SUDS3: variants seen among roughly 807,000 people sequenced by gnomAD.
SUDS3 encodes the protein sin3 histone deacetylase corepressor complex component SDS3.
A neutral mutation model predicts 53.5 loss-of-function variants in SUDS3; 23 were observed. That is an observed-to-expected ratio of 0.43 (90% CI 0.31 to 0.61). The LOEUF is 0.61. SUDS3 is among the 20% of genes least tolerant of loss of function. SUDS3 has a pLI of 0.10. For missense variants in SUDS3, 291 were observed against 405.9 expected, an observed-to-expected ratio of 0.72 and a Z score of 2.43; for synonymous variants, 150 against 148.5, an observed-to-expected ratio of 1.01 and a Z score of -0.08.
intron 1 of SUDS3, 66 bp downstream of exon 1, chr12:118,376,899 T>C (rs1035504101): frequency 2.5e-6 from 3 of 1,193,104 alleles, no homozygotes; most frequent in Non-Finnish European, 3.2e-6. Context: ...GGGGTGGGGC[T>C]GTTCGGGAGA....
In SUDS3 at chr12:118,416,552, T is replaced by C. The variant is rs1364146974; in HGVS notation, c.*2119T>C. ...CCTCGGCGTCCTCACAACTCTTAAT[T>C]GGGCCTAGTGAAAATGGGGGCAGGT... On this transcript the variant is annotated 3_prime_UTR_variant, in exon 12 of 12. Coordinates refer to ENST00000543473, the MANE Select transcript of SUDS3 (RefSeq NM_022491.3). 6.6e-6 allele frequency: 1 copy of C among 152,202 alleles called. No homozygotes were observed. Among genetic ancestry groups the C allele is most frequent in the Non-Finnish European group, 1.5e-5 (1 of 68,034 alleles). 9.4% of individuals were successfully genotyped at this position (152,202 alleles called of 1,614,324 possible).
chr12:118,393,745 A>G (rs906690498), intron 6 of SUDS3, among the ~76,000 whole-genome samples: 3 of 151,128 alleles, frequency 2.0e-5, no homozygotes, highest in Admixed American at 2.0e-4. Context: ...GTCTCGGCTC[A>G]CTGCAACCTC....
intron 3 of SUDS3, among the ~76,000 whole-genome samples, chr12:118,385,450 T>A (rs756556050): frequency 1.3e-5 from 2 of 152,114 alleles, no homozygotes; most frequent in African/African-American, 4.8e-5. Flanking sequence ...TGCTGGTGAG[T>A]GATCCACGCC....
intron 1 of SUDS3, among the ~76,000 whole-genome samples, chr12:118,377,607 T>C (rs2046012842): frequency 6.6e-6 from 1 of 151,332 alleles, no homozygotes; most frequent in Non-Finnish European, 1.5e-5. Context: ...CTTTGCACTG[T>C]CATCACAGAG....
chr12:118,380,416 C>T (rs2046045984), intron 2 of SUDS3, among the ~76,000 whole-genome samples, 185 bp downstream of exon 2: 1 of 152,174 alleles, frequency 6.6e-6, no homozygotes, highest in Admixed American at 6.5e-5. Context: ...GTGGGATGCT[C>T]AGCTGGTAAG....
chr12:118,377,372 C>A (rs2046008881), intron 1 of SUDS3, among the ~76,000 whole-genome samples: 1 of 152,136 alleles, frequency 6.6e-6, no homozygotes, highest in Non-Finnish European at 1.5e-5. Flanking sequence ...AGTTTTCCAG[C>A]CTCGATTTAC....
Position 118,400,766 on chromosome 12 carries a change from C to CA in SUDS3, c.613+13dup. 1.9e-6 allele frequency: 3 copies of CA among 1,612,834 alleles called. No individual in the cohort carries two copies. Among genetic ancestry groups the CA allele is most frequent in the Non-Finnish European group, 8.5e-7 (1 of 1,178,824 alleles). On this transcript the variant is annotated intron_variant, in intron 7 of 11. Coordinates refer to ENST00000543473, the MANE Select transcript of SUDS3 (RefSeq NM_022491.3). ...GAAACCTGCTCCAGATATCCATTTA[C>CA]ATCAAGCCTTAACCGCCTTTCTTTT...
chr12:118,410,288 AAAAT>A (rs371305911), intron 10 of SUDS3, among the ~76,000 whole-genome samples: 1 of 152,250 alleles, frequency 6.6e-6, no homozygotes, highest in African/African-American at 2.4e-5. Flanking sequence ...GGACAAATAG[AAAAT>A]AAATAACGGT....
chr12:118,376,851 C>A lies in SUDS3; in HGVS notation c.142+18C>A. On this transcript the variant is annotated intron_variant, in intron 1 of 11. Coordinates refer to ENST00000543473, the MANE Select transcript of SUDS3 (RefSeq NM_022491.3). ...GGACGAAGGTGAGTCCTGCCGCTCG[C>A]CCGGCCGCCCGGAGCGGAGGTGGGA... 1 of 1,515,186 alleles carries A rather than the reference C, an allele frequency of 6.6e-7. No homozygotes were observed. Among genetic ancestry groups the A allele is most frequent in the Non-Finnish European group, 8.8e-7 (1 of 1,138,180 alleles). 93.9% of individuals were successfully genotyped at this position (1,515,186 alleles called of 1,614,324 possible). A position where few individuals can be genotyped will look rare whatever the true frequency, so the allele number is the denominator to read the frequency against.
At chr12:118,387,123 G>A (rs1047033446) in intron 4 of SUDS3, among the ~76,000 whole-genome samples, 10 of 152,232 alleles carry the variant, frequency 6.6e-5, no homozygotes, top group Non-Finnish European at 1.3e-4. Context: ...AGAGAGAAAA[G>A]GGGTTGAAGT....
At chr12:118,393,616 A>G (rs959044439) in intron 6 of SUDS3, among the ~76,000 whole-genome samples, 9 of 151,332 alleles carry the variant, frequency 5.9e-5, no homozygotes, top group Non-Finnish European at 1.3e-4. Flanking sequence ...ATTCTGTTTC[A>G]GGGGCTTTGG....
At chr12:118,393,664 T>C (rs2046187876) in intron 6 of SUDS3, among the ~76,000 whole-genome samples, 1 of 151,690 alleles carries the variant, frequency 6.6e-6, no homozygotes, top group South Asian at 2.1e-4. Context: ...TCTTTCTTTT[T>C]TTTTTTTAAA....
At chr12:118,391,511 A>G (rs1795123445) in intron 6 of SUDS3, among the ~76,000 whole-genome samples, 1 of 152,122 alleles carries the variant, frequency 6.6e-6, no homozygotes, top group Admixed American at 6.5e-5. Context: ...ACCCTCTCAC[A>G]GGATTGTGGT....
At position 118,402,822 on chromosome 12, in the gene SUDS3, G is replaced by A. The variant is rs891034327; in HGVS notation, c.698-590G>A. Among the ~76,000 whole-genome samples the A allele has an allele frequency of 9.9e-5, 15 of 151,340 alleles. No homozygotes were observed. In the East Asian group the frequency reaches 1.4e-3, roughly 14 times the overall value. On this transcript the variant is annotated intron_variant, in intron 9 of 11. Coordinates refer to ENST00000543473, the MANE Select transcript of SUDS3 (RefSeq NM_022491.3). ...TGTCGCCAGGCTGGAGTGCAGTGGC[G>A]TGAACTCGGCTCAGTGCAACCTCCG...
chr12:118,394,030 T>C (rs17440942), intron 6 of SUDS3, among the ~76,000 whole-genome samples: 17,483 of 152,186 alleles, frequency 0.11, 1,275 homozygotes, highest in Middle Eastern at 0.19. Flanking sequence ...GGTTGATAGC[T>C]GATACCACAA....
rs1236961385 is a variant in SUDS3, at chr12:118,417,948, G to A, written c.*3515G>A. On this transcript the variant is annotated 3_prime_UTR_variant, in exon 12 of 12. Transcript: ENST00000543473. The stretch of plus-strand genomic sequence containing the variant: ...CCTTAAATGTTTGTGCACTCTTCTT[G>A]TTGCAGATAAAAGTCATTAAAAATC... 6.6e-6 allele frequency: 1 copy of A among 152,156 alleles called. No individual in the cohort carries two copies. Among genetic ancestry groups the A allele is most frequent in the African/African-American group, 2.4e-5 (1 of 41,454 alleles). 9.4% of individuals were successfully genotyped at this position (152,156 alleles called of 1,614,324 possible). A position where few individuals can be genotyped will look rare whatever the true frequency, so the allele number is the denominator to read the frequency against.
chr12:118,384,198 AT>A (rs2141363382), intron 3 of SUDS3, 131 bp downstream of exon 3: 2 of 880,710 alleles, frequency 2.3e-6, no homozygotes, highest in Admixed American at 5.5e-5. Flanking sequence ...TATCCAGTAC[AT>A]TTTGCTATCT....
Position 118,380,135 on chromosome 12 carries a change from T to C in SUDS3, c.143-27T>C, listed in dbSNP as rs776814042. On this transcript the variant is annotated intron_variant, in intron 1 of 11. Transcript: ENST00000543473. ...CAACTCCGTGAATTATGATTTTAAC[T>C]AGCCCCTATTTCCTAACTTTATTCA... The C allele has an allele frequency of 1.9e-6, 3 of 1,583,046 alleles. No individual in the cohort carries two copies. In the South Asian group the frequency reaches 3.4e-5, roughly 18 times the overall value.
At chr12:118,393,897 C>G (rs982824148) in intron 6 of SUDS3, among the ~76,000 whole-genome samples, 1 of 152,026 alleles carries the variant, frequency 6.6e-6, no homozygotes, top group African/African-American at 2.4e-5. Flanking sequence ...TCTTGAACTC[C>G]TGACCTCAGG....
Sources: gnomAD v4.1 joint callset for allele counts (sites outside exome capture counted in the v4.1 genomes callset) on GRCh38, gnomAD v4.1.1 for gene constraint, MANE v1.5 for transcripts, NCBI Gene and HGNC (gene_info 2026-07-23, HGNC 2026-07-21) for gene names.